FAM167A: variants seen among roughly 807,000 people sequenced by gnomAD.
FAM167A encodes the protein family with sequence similarity 167 member A, also known as protein FAM167A.
FAM167A carries 23 observed loss-of-function variants against 14.9 expected under a neutral mutation model. The ratio of observed to expected loss-of-function variants is 1.55; its 90% CI spans 1.11 to 2.19. The LOEUF is 2.19. FAM167A is among the 30% of genes most tolerant of loss of function. The pLI is 0.00. For missense variants in FAM167A, 401 were observed against 281.5 expected (o/e 1.42, Z -3.04); for synonymous variants, 174 against 117.7 (o/e 1.48, Z -3.10).
intron 1 of FAM167A, among the ~76,000 whole-genome samples, chr8:11,448,229 G>C (rs1283485979): frequency 2.0e-5 from 3 of 150,102 alleles, no homozygotes; most frequent in Non-Finnish European, 4.4e-5. Context: ...AGAATTTCAA[G>C]ACAGGGACAG....
chr8:11,449,785 G>T (rs1369699758), intron 1 of FAM167A, among the ~76,000 whole-genome samples: 2 of 152,176 alleles, frequency 1.3e-5, no homozygotes, highest in Non-Finnish European at 2.9e-5. Context: ...TGGCTCCCAG[G>T]CCCACAGCGG....
intron 2 of FAM167A, among the ~76,000 whole-genome samples, chr8:11,425,776 T>G (rs114122184): frequency 6.6e-6 from 1 of 151,214 alleles, no homozygotes; most frequent in African/African-American, 2.4e-5. Context: ...AGCAAATTCC[T>G]GCCTCTGGTA....
In FAM167A at chr8:11,422,053, A is replaced by G. The variant is rs1804765931; in HGVS notation, c.*2320T>C. Reference sequence around the variant, plus strand: ...AATAAAGTTCTCTTAGGATAAACCGAGCAAAATAGCTCAGACATTTAACTT... The same window carrying G: ...AATAAAGTTCTCTTAGGATAAACCGGGCAAAATAGCTCAGACATTTAACTT... On this transcript the variant is annotated 3_prime_UTR_variant, in exon 3 of 3. Transcript: ENST00000284486. 2 of 382,176 alleles carry G rather than the reference A, an allele frequency of 5.2e-6. No homozygotes were observed. Among genetic ancestry groups the G allele is most frequent in the Non-Finnish European group, 9.2e-6 (2 of 216,328 alleles). 23.7% of individuals were successfully genotyped at this position (382,176 alleles called of 1,614,324 possible).
chr8:11,428,955 T>A (rs1805376670), intron 2 of FAM167A, among the ~76,000 whole-genome samples: 1 of 152,248 alleles, frequency 6.6e-6, no homozygotes, highest in African/African-American at 2.4e-5. Flanking sequence ...AATTTTTTTC[T>A]AGTTGTGATA....
At chr8:11,429,862 T>C (rs10099909) in intron 2 of FAM167A, among the ~76,000 whole-genome samples, 15,934 of 152,260 alleles carry the variant, frequency 0.1, 966 homozygotes, top group African/African-American at 0.17. Flanking sequence ...TAAGGCCTCT[T>C]CTCATCTCTT....
chr8:11,435,844 T>A (rs759201340), intron 2 of FAM167A, among the ~76,000 whole-genome samples: 1 of 152,204 alleles, frequency 6.6e-6, no homozygotes, highest in Non-Finnish European at 1.5e-5. Flanking sequence ...TTATGAGAAT[T>A]AAATAAGCCC....
At chr8:11,457,749 C>T (rs972728345) in intron 1 of FAM167A, among the ~76,000 whole-genome samples, 8 of 152,180 alleles carry the variant, frequency 5.3e-5, no homozygotes, top group Admixed American at 5.2e-4. Context: ...CCCTGCACTG[C>T]CTGAAAGCTC....
At chr8:11,448,264 C>T (rs1394454509) in intron 1 of FAM167A, among the ~76,000 whole-genome samples, 1 of 151,938 alleles carries the variant, frequency 6.6e-6, no homozygotes, top group Admixed American at 6.6e-5. Flanking sequence ...ACACGAGGGG[C>T]CCTGTGCCAC....
intron 2 of FAM167A, among the ~76,000 whole-genome samples, chr8:11,433,621 G>C (rs992692641): frequency 6.6e-6 from 1 of 152,190 alleles, no homozygotes; most frequent in African/African-American, 2.4e-5. Flanking sequence ...GTCCTGGAGA[G>C]CGTGGTAATC....
intron 2 of FAM167A, among the ~76,000 whole-genome samples, chr8:11,439,343 G>T (rs1806279187): frequency 6.6e-6 from 1 of 152,236 alleles, no homozygotes; most frequent in South Asian, 2.1e-4. Flanking sequence ...CCTGCCATTT[G>T]GCCACACTGC....
upstream of FAM167A, among the ~76,000 whole-genome samples, chr8:11,468,488 G>C (rs1047168778): frequency 6.6e-6 from 1 of 152,252 alleles, no homozygotes; most frequent in African/African-American, 2.4e-5. Context: ...TGATTAGTAT[G>C]TGTCTCCCTC....
At chr8:11,444,954 T>C in intron 1 of FAM167A, 146 bp from the exon 2 acceptor site, 1 of 717,852 alleles carries the variant, frequency 1.4e-6, no homozygotes, top group Non-Finnish European at 1.7e-6. Flanking sequence ...GGAAGTGAGA[T>C]CATTTTAATG....
At chr8:11,434,094 G>A (rs562094181) in intron 2 of FAM167A, 1 of 152,342 alleles carries the variant, frequency 6.6e-6, no homozygotes, top group East Asian at 1.9e-4. Context: ...GGAGGTTCCG[G>A]GGAAATGTGA....
intron 2 of FAM167A, among the ~76,000 whole-genome samples, chr8:11,425,561 C>T (rs945538772): frequency 2.6e-5 from 4 of 152,060 alleles, no homozygotes; most frequent in African/African-American, 9.7e-5. Flanking sequence ...AATCCTAAGC[C>T]CCCCAACTGA....
upstream of FAM167A, among the ~76,000 whole-genome samples, chr8:11,470,837 A>C (rs1807938689): frequency 6.6e-6 from 1 of 152,006 alleles, no homozygotes; most frequent in Admixed American, 6.5e-5. Context: ...GTGGGCCCAG[A>C]GTTTCAAGAA....
At chr8:11,433,502 G>A (rs1053705505) in intron 2 of FAM167A, among the ~76,000 whole-genome samples, 1 of 152,184 alleles carries the variant, frequency 6.6e-6, no homozygotes, top group Non-Finnish European at 1.5e-5. Flanking sequence ...GGCTGTGATG[G>A]CAGCAAATCT....
intron 2 of FAM167A, among the ~76,000 whole-genome samples, chr8:11,428,511 C>G (rs528336406): frequency 6.6e-6 from 1 of 152,186 alleles, no homozygotes; most frequent in African/African-American, 2.4e-5. Flanking sequence ...TGATTCCGGC[C>G]GGTCTCCCTG....
intron 1 of FAM167A, among the ~76,000 whole-genome samples, chr8:11,451,055 C>T (rs918937405): frequency 1.3e-5 from 2 of 152,254 alleles, no homozygotes; most frequent in Admixed American, 1.3e-4. Flanking sequence ...GCAGCTTCCT[C>T]CCTCTTCTGG....
At position 11,474,320 on chromosome 8, in the gene FAM167A, C is replaced by T. The variant is rs529724542; in HGVS notation, c.-398+1546G>A. On this transcript the variant is annotated intron_variant, in intron 1 of 1. Transcript: ENST00000648766. ...CTGGCAGCATTCCTGGATATCTTAGCTGCCTTGTTTGTCTTCCCAGAGCAT... is the reference window on the plus strand; with the variant it reads ...CTGGCAGCATTCCTGGATATCTTAGTTGCCTTGTTTGTCTTCCCAGAGCAT... Among the ~76,000 whole-genome samples, 3 of 152,350 alleles carry T rather than the reference C, an allele frequency of 2.0e-5. No individual in the cohort carries two copies. In the South Asian group the frequency reaches 6.2e-4, roughly 32 times the overall value.
Sources: allele counts gnomAD v4.1 joint callset (sites outside exome capture counted in the v4.1 genomes callset), GRCh38; gene constraint gnomAD v4.1.1; transcripts MANE v1.5; gene names NCBI Gene and HGNC (gene_info 2026-07-23, HGNC 2026-07-21).